Variants in CATSPERE observed in about 807,000 individuals in gnomAD.
The protein encoded by CATSPERE is catsper channel auxiliary subunit epsilon.
CATSPERE carries 93 observed loss-of-function variants against 114.1 expected under a neutral mutation model. The observed-to-expected ratio is 0.81, with a 90% confidence interval of 0.69 to 0.97. The LOEUF is 0.97. Among genes scored for constraint, CATSPERE ranks in the 50% least tolerant of loss-of-function variants. The probability of loss-of-function intolerance (pLI) is 0.00; values close to 1 mark genes in which losing one functional copy is unlikely to be tolerated. For synonymous variants in CATSPERE, 341 were observed against 384.1 expected (o/e 0.89, Z 1.31); for missense variants, 1,058 against 1,131.6 (o/e 0.93, Z 0.93).
intron 5 of CATSPERE, among the ~76,000 whole-genome samples, chr1:244,485,698 T>TG (rs1248177905): frequency 2.1e-5 from 3 of 146,272 alleles, no homozygotes; most frequent in African/African-American, 7.7e-5. Context: ...ATTTTGTTTT[T>TG]TTTGTTTTTT....
At chr1:244,553,332 C>G (rs1004113278) in intron 9 of CATSPERE, among the ~76,000 whole-genome samples, 3 of 151,820 alleles carry the variant, frequency 2.0e-5, no homozygotes, top group Admixed American at 6.6e-5. Flanking sequence ...GAGGCCGAGG[C>G]GGGCAGATCA....
intron 21 of CATSPERE, among the ~76,000 whole-genome samples, chr1:244,639,678 CA>C (rs33986693): frequency 1.5e-5 from 2 of 136,488 alleles, no homozygotes; most frequent in South Asian, 2.4e-4. Flanking sequence ...GACTCCATCT[CA>C]AAAAAAAAAA....
chr1:244,602,287 A>G (rs543351750), intron 17 of CATSPERE, among the ~76,000 whole-genome samples: 22 of 152,346 alleles, frequency 1.4e-4, no homozygotes, highest in African/African-American at 5.1e-4. Context: ...GTCCAGTTCC[A>G]CTGAATTATA....
At position 244,627,780 on chromosome 1, in the gene CATSPERE, C is replaced by T. The variant is rs139794762; in HGVS notation, c.2649-7709C>T. ...TGCTATTTCTCCTTATCCACAGTTT[C>T]GCTTCCCATGATTCACTTACTTACA... On this transcript the variant is annotated intron_variant, in intron 20 of 21. Coordinates refer to ENST00000366534, the MANE Select transcript of CATSPERE (RefSeq NM_001130957.2). 2.2e-4 allele frequency among the ~76,000 whole-genome samples: 33 copies of T among 152,310 alleles called. 1 individual carries two copies. The highest frequency in any genetic ancestry group is 7.7e-4 in the East Asian group (4 of 5,190).
chr1:244,451,873 A>G, upstream of CATSPERE: 1 of 1,470,526 alleles, frequency 6.8e-7, no homozygotes, highest in Non-Finnish European at 9.0e-7. This position sits in a 1 kb window ranked among gnomAD's most constrained non-coding sequence, Gnocchi z 6.6. Flanking sequence ...GGAGTGAGCG[A>G]ACTGAACTGC....
intron 8 of CATSPERE, among the ~76,000 whole-genome samples, chr1:244,528,471 C>T (rs770773266): frequency 2.8e-4 from 43 of 151,822 alleles, no homozygotes; most frequent in Non-Finnish European, 4.4e-5. Flanking sequence ...TTGTTTAGTA[C>T]TGGGTAAACT....
intron 7 of CATSPERE, among the ~76,000 whole-genome samples, chr1:244,503,673 G>C (rs574794889): frequency 6.6e-6 from 1 of 152,128 alleles, no homozygotes; most frequent in African/African-American, 2.4e-5. Context: ...GCTCACTGCA[G>C]CCTCAGCCTC....
intron 9 of CATSPERE, among the ~76,000 whole-genome samples, chr1:244,558,138 CTTTT>C (rs34664118): frequency 9.1e-5 from 10 of 109,436 alleles, no homozygotes; most frequent in Non-Finnish European, 8.6e-5. Flanking sequence ...CTCTCTCTCT[CTTTT>C]TTTTTTTTTT....
intron 8 of CATSPERE, among the ~76,000 whole-genome samples, chr1:244,547,962 G>T (rs138582406): frequency 1.6e-3 from 242 of 152,302 alleles, no homozygotes; most frequent in African/African-American, 5.2e-3. Flanking sequence ...GAAATGACCA[G>T]ACATGCTATT....
At chr1:244,451,817 TG>T (rs767365305), upstream of CATSPERE, 12 of 1,583,290 alleles carry the variant, frequency 7.6e-6, no homozygotes, top group South Asian at 1.4e-4. This position sits in a 1 kb window ranked among gnomAD's most constrained non-coding sequence, Gnocchi z 6.6. Flanking sequence ...GCGAACGCCA[TG>T]GCTCCAGTGA....
Position 244,499,077 on chromosome 1 carries a change from A to G in CATSPERE, c.427A>G (p.Ile143Val), listed in dbSNP as rs373830534. 1.4e-5 allele frequency: 22 copies of G among 1,605,426 alleles called. No homozygotes were observed. Among genetic ancestry groups the G allele is most frequent in the African/African-American group, 1.3e-4 (10 of 74,818 alleles). ...GCTGGGGAATGCAGAAGAACCTTCA[A>G]TAGTAGGTGGAAACATTAGTATCGT... ...ELLGNAEEPSINSIVLSTQMA... is the reference protein window; with the variant it reads ...ELLGNAEEPSVNSIVLSTQMA... Residue 143 changes from isoleucine (I) to valine (V), a missense_variant and splice_region_variant, in exon 7 of 22, where the codon ATA becomes GTA. Physicochemically the swap from Ile to Val is conservative, Grantham distance 29 (BLOSUM62 3). Coordinates refer to ENST00000366534, the MANE Select transcript of CATSPERE (RefSeq NM_001130957.2).
chr1:244,565,343 C>T (rs948594265), intron 10 of CATSPERE, among the ~76,000 whole-genome samples: 1 of 152,074 alleles, frequency 6.6e-6, no homozygotes, highest in African/African-American at 2.4e-5. Context: ...CTCTTTGTAC[C>T]TCCGGTAGAA....
intron 5 of CATSPERE, 29 bp downstream of exon 5, chr1:244,479,813 T>A (rs764370615): frequency 2.4e-5 from 31 of 1,275,972 alleles, no homozygotes; most frequent in Non-Finnish European, 3.3e-5. Flanking sequence ...AATAGGTAAT[T>A]ATGCTTTTAA....
At chr1:244,613,897 A>G (rs550257370) in intron 19 of CATSPERE, among the ~76,000 whole-genome samples, 20 of 152,184 alleles carry the variant, frequency 1.3e-4, no homozygotes, top group Non-Finnish European at 1.6e-4. Flanking sequence ...TAATCCATTC[A>G]TAGATTAGTG....
At chr1:244,590,348 G>T (rs1667562302) in intron 14 of CATSPERE, among the ~76,000 whole-genome samples, 1 of 152,100 alleles carries the variant, frequency 6.6e-6, no homozygotes, top group South Asian at 2.1e-4. Context: ...ACAGTCCAAA[G>T]AAATTTGTTT....
intron 5 of CATSPERE, among the ~76,000 whole-genome samples, chr1:244,489,580 G>A (rs894233038): frequency 6.0e-5 from 9 of 150,750 alleles, no homozygotes; most frequent in Non-Finnish European, 1.2e-4. Context: ...GGCTAATGGG[G>A]TTTGAAGAGG....
intron 20 of CATSPERE, among the ~76,000 whole-genome samples, chr1:244,627,247 G>A (rs545512219): frequency 7.2e-5 from 11 of 152,152 alleles, no homozygotes; most frequent in African/African-American, 2.2e-4. Context: ...GGTGCACCAG[G>A]ACACTTTCAA....
At chr1:244,586,573 G>A (rs1055945539) in intron 13 of CATSPERE, among the ~76,000 whole-genome samples, 1 of 152,208 alleles carries the variant, frequency 6.6e-6, no homozygotes, top group Admixed American at 6.5e-5. Context: ...CACTCCCACT[G>A]TGAAGCATGC....
intron 8 of CATSPERE, among the ~76,000 whole-genome samples, chr1:244,534,110 A>G (rs537889135): frequency 6.6e-6 from 1 of 152,096 alleles, no homozygotes; most frequent in African/African-American, 2.4e-5. Context: ...TAAAGTTTCC[A>G]CTGAAATGTC....
Sources: allele counts gnomAD v4.1 joint callset (sites outside exome capture counted in the v4.1 genomes callset), GRCh38; gene constraint gnomAD v4.1.1; non-coding constraint Gnocchi (gnomAD v3.1); transcripts MANE v1.5; gene names NCBI Gene and HGNC (gene_info 2026-07-23, HGNC 2026-07-21).